Variants in PBLD observed in about 807,000 individuals in gnomAD.
PBLD encodes the protein phenazine biosynthesis-like domain-containing protein.
A neutral mutation model predicts 31.3 loss-of-function variants in PBLD; 26 were observed. The ratio of observed to expected loss-of-function variants is 0.83; its 90% CI spans 0.61 to 1.15. The LOEUF (loss-of-function observed/expected upper bound fraction) is 1.15. Ranked by LOEUF, PBLD falls within the 50% of genes most tolerant of loss-of-function variation. PBLD has a pLI of 0.00. For missense variants in PBLD, 307 were observed against 351.7 expected (o/e 0.87, Z 1.02); for synonymous variants, 114 against 129.0 (o/e 0.88, Z 0.79).
At chr10:68,309,208 C>G (rs540039395) in intron 1 of PBLD, among the ~76,000 whole-genome samples, 2 of 148,904 alleles carry the variant, frequency 1.3e-5, no homozygotes, top group Admixed American at 1.4e-4. Context: ...GAGTTTGAGA[C>G]CACCCTGGCC....
chr10:68,288,519 C>A lies in PBLD; in HGVS notation c.655G>T (p.Ala219Ser), dbSNP rs1287242822. The change falls in exon 8 of 10, where the codon GCA (alanine) becomes TCA (serine). Residue 219 changes from alanine to serine, a missense_variant. Ala to Ser is a moderately conservative substitution (Grantham distance 99). Transcript: ENST00000358769. ...QAFDFYSRYF[A>S]PWVGVAEDPV... is the part of the protein sequence containing the mutation. Reference sequence around the variant, plus strand: ...TCTTCAGCCACACCAACCCACGGTGCAAAATATCTTGAGTAAAAGTCAAAT... The same window carrying A: ...TCTTCAGCCACACCAACCCACGGTGAAAAATATCTTGAGTAAAAGTCAAAT... 6.2e-7 allele frequency: 1 copy of A among 1,614,202 alleles called. No individual in the cohort carries two copies. Among genetic ancestry groups the A allele is most frequent in the Admixed American group, 1.7e-5 (1 of 60,014 alleles).
intron 8 of PBLD, among the ~76,000 whole-genome samples, chr10:68,285,716 T>C (rs2044278470): frequency 6.6e-6 from 1 of 152,164 alleles, no homozygotes. Flanking sequence ...TCTTGCTCTG[T>C]TGTCCAGCTG....
chr10:68,289,352 ACCCCAT>A (rs1387018416), intron 6 of PBLD, among the ~76,000 whole-genome samples: 2 of 151,814 alleles, frequency 1.3e-5, no homozygotes, highest in Admixed American at 6.6e-5. Flanking sequence ...GCATGGCAAA[ACCCCAT>A]CTCTACTAAA....
intron 1 of PBLD, among the ~76,000 whole-genome samples, chr10:68,330,224 C>G (rs2045002486): frequency 6.6e-6 from 1 of 152,020 alleles, no homozygotes; most frequent in African/African-American, 2.4e-5. Flanking sequence ...CTGCCCCACA[C>G]TCGTCTTAAG....
chr10:68,328,131 T>C lies in PBLD; in HGVS notation c.-60+4653A>G, dbSNP rs555047655. On this transcript the variant is annotated intron_variant, in intron 1 of 9. Transcript: ENST00000358769. ...TAGTGCTTTCTAAAGACAAGATACA[T>C]AGGATATAAACCAAAGAATAAGCAT... Among the ~76,000 whole-genome samples, 3 of 152,310 alleles carry C rather than the reference T, an allele frequency of 2.0e-5. No homozygotes were observed. The South Asian group carries it at 6.2e-4, about 32-fold the overall frequency.
rs1448886341 is a variant in PBLD, at chr10:68,283,110, C to T, written c.*1067G>A. Reference sequence around the variant, plus strand: ...TGTTGCCCAGGCTGGTCTCGAACTCCTAGGTTCAAGTGATCCTCCTGCCTT... The same window carrying T: ...TGTTGCCCAGGCTGGTCTCGAACTCTTAGGTTCAAGTGATCCTCCTGCCTT... On this transcript the variant is annotated 3_prime_UTR_variant, in exon 10 of 10. Transcript: ENST00000358769. 6.6e-6 allele frequency: 1 copy of T among 151,174 alleles called. No homozygotes were observed. The highest frequency in any genetic ancestry group is 1.5e-5 in the Non-Finnish European group (1 of 67,920). The allele number at this position is 151,174 out of a possible 1,614,324, so 9.4% of individuals were successfully genotyped here.
chr10:68,326,348 A>G (rs2044920246), intron 1 of PBLD, among the ~76,000 whole-genome samples: 1 of 152,084 alleles, frequency 6.6e-6, no homozygotes, highest in African/African-American at 2.4e-5. Context: ...CTGTACTTGT[A>G]TTTTTTATGG....
chr10:68,318,063 TG>T (rs1273567388), intron 1 of PBLD, among the ~76,000 whole-genome samples: 1 of 151,748 alleles, frequency 6.6e-6, no homozygotes, highest in Admixed American at 6.6e-5. Context: ...CCGTCTCTAC[TG>T]AAAATACAAA....
At chr10:68,330,354 C>T (rs1177727460) in intron 1 of PBLD, among the ~76,000 whole-genome samples, 1 of 152,172 alleles carries the variant, frequency 6.6e-6, no homozygotes, top group Non-Finnish European at 1.5e-5. Flanking sequence ...TATACATCCT[C>T]CTACGTTGCT....
intron 1 of PBLD, among the ~76,000 whole-genome samples, chr10:68,309,043 T>C (rs1037956129): frequency 6.7e-6 from 1 of 150,272 alleles, no homozygotes; most frequent in Non-Finnish European, 1.5e-5. Context: ...CCCTCTGCAA[T>C]AGTCTTAGTT....
At chr10:68,294,743 C>T (rs2044402135) in intron 4 of PBLD, among the ~76,000 whole-genome samples, 3 of 152,038 alleles carry the variant, frequency 2.0e-5, no homozygotes, top group African/African-American at 7.2e-5. Context: ...TCTTCTTTTC[C>T]TCGAGGTGGA....
chr10:68,306,151 AT>A (rs1374423264), intron 2 of PBLD, among the ~76,000 whole-genome samples: 1 of 7,958 alleles, frequency 1.3e-4, no homozygotes, highest in African/African-American at 1.4e-4. Flanking sequence ...ATATTTATCT[AT>A]TTAACTATTA....
chr10:68,284,220 C>T lies in PBLD; in HGVS notation c.824G>A (p.Arg275Lys). 6.2e-7 allele frequency: 1 copy of T among 1,614,152 alleles called. No homozygotes were observed. The highest frequency in any genetic ancestry group is 8.5e-7 in the Non-Finnish European group (1 of 1,180,018). ...CTCTAAAACAACAGCTGCACCTCCT[C>T]TAATGTCAACCCTTCCGTCTGGACG... ...SLRPDGRVDI[R>K]GGAAVVLEGT... is the part of the protein sequence containing the mutation. Residue 275 changes from arginine (R) to lysine (K), a missense_variant, in exon 10 of 10, where the codon AGA (arginine) becomes AAA (lysine). Arg to Lys is a conservative substitution (Grantham distance 26, BLOSUM62 2). Transcript: ENST00000358769.
chr10:68,295,600 C>T (rs1005338662), intron 4 of PBLD, among the ~76,000 whole-genome samples: 1 of 152,086 alleles, frequency 6.6e-6, no homozygotes, highest in Non-Finnish European at 1.5e-5. Context: ...TCTCCAATCT[C>T]ATATCGTATG....
At chr10:68,288,327 C>T in intron 8 of PBLD, 156 bp downstream of exon 8, 1 of 773,756 alleles carries the variant, frequency 1.3e-6, no homozygotes, top group Non-Finnish European at 2.0e-6. Context: ...TCATGGAAGA[C>T]TTCAGTGAAG....
intron 1 of PBLD, among the ~76,000 whole-genome samples, chr10:68,319,580 G>A (rs979428715): frequency 6.6e-6 from 1 of 151,916 alleles, no homozygotes; most frequent in African/African-American, 2.4e-5. Context: ...AATTAGCCAG[G>A]TGTGGTGGTG....
chr10:68,328,800 C>CTTT (rs140395448), intron 1 of PBLD, among the ~76,000 whole-genome samples: 7 of 147,616 alleles, frequency 4.7e-5, no homozygotes, highest in African/African-American at 1.7e-4. Context: ...GTTGACAAGA[C>CTTT]TTTTTTTTTT....
intron 1 of PBLD, among the ~76,000 whole-genome samples, chr10:68,323,134 A>G (rs75032908): frequency 0.098 from 14,970 of 152,196 alleles, 1,066 homozygotes; most frequent in South Asian, 0.21. Context: ...CAACTATTCA[A>G]AAATCTAAAA....
intron 1 of PBLD, among the ~76,000 whole-genome samples, chr10:68,317,047 G>C (rs1449318897): frequency 6.6e-6 from 1 of 152,054 alleles, no homozygotes; most frequent in African/African-American, 2.4e-5. Context: ...CTTGAAACCA[G>C]CAAGAGAGAC....
Sources: gnomAD v4.1 joint callset for allele counts (sites outside exome capture counted in the v4.1 genomes callset) on GRCh38, gnomAD v4.1.1 for gene constraint, MANE v1.5 for transcripts, NCBI Gene and HGNC (gene_info 2026-07-23, HGNC 2026-07-21) for gene names.